The following TENM2 variants were observed in gnomAD, a reference collection of about 807,000 sequenced individuals.
TENM2 encodes teneurin-2.
Under a neutral mutation model 245.2 loss-of-function variants are expected in TENM2, and 52 were observed. The ratio of observed to expected loss-of-function variants is 0.21; its 90% CI spans 0.17 to 0.27. The LOEUF is 0.27. Ranked by LOEUF, TENM2 falls within the 10% of genes least tolerant of loss-of-function variation. The pLI is 1.00. For missense variants in TENM2, 3,046 were observed against 3,666.8 expected, an observed-to-expected ratio of 0.83 and a Z score of 4.37; for synonymous variants, 1,363 against 1,438.9, an observed-to-expected ratio of 0.95 and a Z score of 1.19.
At chr5:167,404,925 C>T (rs535645294) in intron 2 of TENM2, among the ~76,000 whole-genome samples, 1 of 152,122 alleles carries the variant, frequency 6.6e-6, no homozygotes, top group Non-Finnish European at 1.5e-5. Flanking sequence ...GAACTCTTAG[C>T]AGTCATTCCC....
In TENM2 at chr5:167,293,368, ATTTTT is replaced by A. The variant is rs199972172; in HGVS notation, c.226+8323_226+8327del. 6.2e-3 allele frequency among the ~76,000 whole-genome samples: 813 copies of A among 130,532 alleles called. 9 individuals carry two copies. Among genetic ancestry groups the A allele is most frequent in the African/African-American group, 0.022 (766 of 34,650 alleles). The allele number at this position is 130,532 out of a possible 152,430, so 85.6% of individuals were successfully genotyped here. ...AGGGATGCGTCACCATGTCCGGCTA[ATTTTT>A]TTTTTTTTTTTTTTTTTGTATTTTT... On this transcript the variant is annotated intron_variant, in intron 1 of 28. Coordinates refer to ENST00000518659, the Ensembl canonical transcript of TENM2.
the TENM2 span, among the ~76,000 whole-genome samples, chr5:167,056,568 T>G: frequency 6.9e-6 from 1 of 145,516 alleles, no homozygotes; most frequent in Non-Finnish European, 1.5e-5. Flanking sequence ...TCTATATAAA[T>G]ATGTATCTAT....
intron 2 of TENM2, among the ~76,000 whole-genome samples, chr5:167,702,379 G>T (rs1008450894): frequency 1.3e-5 from 2 of 151,786 alleles, no homozygotes; most frequent in Non-Finnish European, 2.9e-5. Flanking sequence ...GTGTGTCTAG[G>T]TGCTCTCTTT....
At position 167,286,415 on chromosome 5, in the gene TENM2, G is replaced by A. The variant is rs1418692361; in HGVS notation, c.226+1352G>A. Among the ~76,000 whole-genome samples the A allele has an allele frequency of 2.6e-5, 4 of 152,200 alleles. No individual in the cohort carries two copies. The East Asian group carries it at 7.7e-4, about 29-fold the overall frequency. On this transcript the variant is annotated intron_variant, in intron 1 of 28. Transcript: ENST00000518659. ...ATCTGTAACTTCAACAAGTGTTTTT[G>A]CTTTGTTAAGTCCTCACCATTCCCC... is the stretch of plus-strand genomic sequence containing the variant.
intron 2 of TENM2, among the ~76,000 whole-genome samples, chr5:167,622,217 G>A (rs1778219086): frequency 3.3e-5 from 5 of 152,130 alleles, no homozygotes; most frequent in Admixed American, 3.3e-4. Context: ...GTAAACAGCA[G>A]CTTGGCTGAG....
chr5:167,797,887 A>T (rs563460763), intron 2 of TENM2, among the ~76,000 whole-genome samples: 1 of 152,198 alleles, frequency 6.6e-6, no homozygotes, highest in Non-Finnish European at 1.5e-5. Context: ...TAAGGGGAAA[A>T]CATGGATCTA....
the TENM2 span, among the ~76,000 whole-genome samples, chr5:167,120,351 G>A: frequency 7.2e-5 from 11 of 152,284 alleles, no homozygotes; most frequent in African/African-American, 2.4e-4. Context: ...AAAGCTCCAC[G>A]AGAGAAGTGA....
At chr5:168,206,270 C>A (rs1762338918) in intron 19 of TENM2, among the ~76,000 whole-genome samples, 1 of 152,180 alleles carries the variant, frequency 6.6e-6, no homozygotes, top group Non-Finnish European at 1.5e-5. Flanking sequence ...CAAGAGTGTG[C>A]CAGGGACTGA....
intron 2 of TENM2, chr5:167,721,407 G>A (rs1759620479): frequency 6.6e-6 from 1 of 152,294 alleles, no homozygotes; most frequent in South Asian, 2.1e-4. Flanking sequence ...CGGTTCTATA[G>A]GTAAAAGATC....
At chr5:167,419,638 C>T (rs994100337) in intron 2 of TENM2, among the ~76,000 whole-genome samples, 1 of 152,152 alleles carries the variant, frequency 6.6e-6, no homozygotes, top group Non-Finnish European at 1.5e-5. Context: ...TTCAGCACAT[C>T]CCCTGACTAA....
At chr5:167,025,284 A>C in the TENM2 span, among the ~76,000 whole-genome samples, 1 of 152,310 alleles carries the variant, frequency 6.6e-6, no homozygotes, top group Middle Eastern at 3.4e-3. Flanking sequence ...TTTCATACTA[A>C]ATCTTTGGAA....
intron 2 of TENM2, among the ~76,000 whole-genome samples, chr5:167,420,168 C>T (rs79688874): frequency 1.6e-4 from 25 of 152,252 alleles, no homozygotes; most frequent in African/African-American, 3.9e-4. Context: ...TTGGAAAGCA[C>T]GTGTCCGTGA....
At chr5:167,670,317 A>C (rs1251138801) in intron 2 of TENM2, among the ~76,000 whole-genome samples, 1 of 152,210 alleles carries the variant, frequency 6.6e-6, no homozygotes, top group Non-Finnish European at 1.5e-5. Context: ...AGATAAGTAC[A>C]AAGGGAGCCC....
At chr5:167,759,685 G>A (rs1762536177) in intron 2 of TENM2, among the ~76,000 whole-genome samples, 1 of 152,116 alleles carries the variant, frequency 6.6e-6, no homozygotes, top group Non-Finnish European at 1.5e-5. Context: ...CTGTGAATCA[G>A]CCCCCTTCCA....
At position 167,588,197 on chromosome 5, in the gene TENM2, G is replaced by A. The variant is rs115143895; in HGVS notation, c.502+212724G>A. ...AATATGCAAATGTCCACTGGATAAC[G>A]TAATAGAAAACTGGATTGGAGAGGA... On this transcript the variant is annotated intron_variant, in intron 2 of 28. Transcript: ENST00000518659. 7.8e-3 allele frequency among the ~76,000 whole-genome samples: 1,186 copies of A among 152,308 alleles called. 16 individuals carry two copies. The highest frequency in any genetic ancestry group is 0.027 in the African/African-American group (1,118 of 41,572).
At chr5:167,657,968 A>G (rs1754960689) in intron 2 of TENM2, among the ~76,000 whole-genome samples, 1 of 152,182 alleles carries the variant, frequency 6.6e-6, no homozygotes, top group South Asian at 2.1e-4. Flanking sequence ...TCTGGGTTTG[A>G]AGTCTGAAAG....
intron 5 of TENM2, among the ~76,000 whole-genome samples, chr5:168,027,846 T>C (rs1488308455): frequency 6.6e-6 from 1 of 152,234 alleles, no homozygotes; most frequent in African/African-American, 2.4e-5. Flanking sequence ...TAGCAACTGT[T>C]TGTTCTTCCT....
the TENM2 span, among the ~76,000 whole-genome samples, chr5:167,120,967 A>G: frequency 1.3e-5 from 2 of 152,104 alleles, no homozygotes; most frequent in Non-Finnish European, 2.9e-5. Context: ...ATCCACACTC[A>G]TGGCATTAAT....
intron 2 of TENM2, among the ~76,000 whole-genome samples, chr5:167,537,545 A>G (rs1208533588): frequency 6.6e-6 from 1 of 152,236 alleles, no homozygotes; most frequent in Non-Finnish European, 1.5e-5. Flanking sequence ...AACCTAGTCT[A>G]TCAGGAAGAG....
Sources: allele counts gnomAD v4.1 joint callset (sites outside exome capture counted in the v4.1 genomes callset), GRCh38; gene constraint gnomAD v4.1.1; transcripts MANE v1.5; gene names NCBI Gene and HGNC (gene_info 2026-07-23, HGNC 2026-07-21).